The following PABPC1 variants were observed in gnomAD, a reference collection of about 807,000 sequenced individuals.
PABPC1 encodes poly(A) binding protein cytoplasmic 1.
A neutral mutation model predicts 74.0 loss-of-function variants in PABPC1; 4 were observed. That is an observed-to-expected ratio of 0.05 (90% CI 0.03 to 0.12). The LOEUF is 0.12. Ranked by LOEUF, PABPC1 falls within the 10% of genes least tolerant of loss-of-function variation. PABPC1 has a pLI of 1.00. For synonymous variants in PABPC1, 227 were observed against 264.1 expected (o/e 0.86, Z 1.36); for missense variants, 271 against 821.1 (o/e 0.33, Z 8.19).
chr8:100,719,691 C>T (rs755560038), intron 1 of PABPC1, among the ~76,000 whole-genome samples: 1 of 152,120 alleles, frequency 6.6e-6, no homozygotes, highest in Non-Finnish European at 1.5e-5. Context: ...CTCTTCGAAT[C>T]CCAAGAAATG....
rs759378027 is a variant in PABPC1, at chr8:100,715,156, CACAT to C, written c.643+302_643+305del. Among the ~76,000 whole-genome samples the C allele has an allele frequency of 6.3e-3, 480 of 76,684 alleles. 5 individuals carry two copies. The highest frequency in any genetic ancestry group is 0.025 in the Admixed American group (223 of 9,042). The allele number at this position is 76,684 out of a possible 152,430, so 50.3% of individuals were successfully genotyped here. A position where few individuals can be genotyped will look rare whatever the true frequency, so the allele number is the denominator to read the frequency against. On this transcript the variant is annotated intron_variant, in intron 4 of 14. Coordinates refer to ENST00000318607, the MANE Select transcript of PABPC1 (RefSeq NM_002568.4). ...ACACACACACACACACACACACACA[CACAT>C]ATATATCTCCAGCCTCTTAATGTAG... is the stretch of plus-strand genomic sequence containing the variant.
chr8:100,713,209 G>C, intron 4 of PABPC1, 28 bp from the exon 5 acceptor site: 3 of 1,322,574 alleles, frequency 2.3e-6, no homozygotes, highest in Non-Finnish European at 2.1e-6. Flanking sequence ...ATAAATCAAA[G>C]ATATTCCATA....
intron 7 of PABPC1, among the ~76,000 whole-genome samples, chr8:100,710,654 C>CTTTA (rs1288548216): frequency 6.6e-6 from 1 of 152,182 alleles, no homozygotes; most frequent in Non-Finnish European, 1.5e-5. Context: ...AAAGTGAGGT[C>CTTTA]TATAAAGTGG....
chr8:100,712,642 A>C lies in PABPC1; in HGVS notation c.876+10T>G, dbSNP rs1365361088. 6.3e-7 allele frequency: 1 copy of C among 1,575,596 alleles called. No homozygotes were observed. Among genetic ancestry groups the C allele is most frequent in the South Asian group, 1.2e-5 (1 of 85,446 alleles). On this transcript the variant is annotated intron_variant, in intron 6 of 14. Coordinates refer to ENST00000318607, the MANE Select transcript of PABPC1 (RefSeq NM_002568.4). ...CCTGTCTTATTTTGGTTGTTCAATT[A>C]AAAATGAACCTGGTATCTGGTGATC...
At chr8:100,716,731 G>A (rs1425110789) in intron 3 of PABPC1, among the ~76,000 whole-genome samples, 2 of 152,182 alleles carry the variant, frequency 1.3e-5, no homozygotes, top group Admixed American at 6.5e-5. Flanking sequence ...TGCCCTGGCT[G>A]GAGTGTAATA....
intron 3 of PABPC1, 59 bp downstream of exon 3, chr8:100,717,714 G>T: frequency 9.8e-7 from 1 of 1,019,122 alleles, no homozygotes; most frequent in Non-Finnish European, 1.5e-6. Context: ...AAAATGAATG[G>T]ATTTGGAATT....
In PABPC1 at chr8:100,705,677, GACAGAAAATGAGAACTCTTAAGTTTAA is replaced by G. The variant is rs1554594905; in HGVS notation, c.1603-31_1603-5del. 8 of 1,500,488 alleles carry G rather than the reference GACAGAAAATGAGAACTCTTAAGTTTAA, an allele frequency of 5.3e-6. No individual in the cohort carries two copies. Among genetic ancestry groups the G allele is most frequent in the Non-Finnish European group, 6.5e-6 (7 of 1,079,304 alleles). The allele number at this position is 1,500,488 out of a possible 1,614,324, so 92.9% of individuals were successfully genotyped here. On this transcript the variant is annotated splice_polypyrimidine_tract_variant and splice_region_variant and intron_variant, in intron 11 of 14. Coordinates refer to ENST00000318607, the MANE Select transcript of PABPC1 (RefSeq NM_002568.4). ...GACCTTGTACATGAACAGCAGGCTAGACAGAAAATGAGAACTCTTAAGTTTAAAGCACAGAAAAAGATGGCAAATACA... is the reference window on the plus strand; with the variant it reads ...GACCTTGTACATGAACAGCAGGCTAGAGCACAGAAAAAGATGGCAAATACA...
In PABPC1 at chr8:100,713,178, G is replaced by A; in HGVS notation, c.647C>T (p.Pro216Leu). The change falls in exon 5 of 15, where the codon CCT (proline) becomes CTT (leucine). Residue 216 changes from proline to leucine, a missense_variant. Around this residue, in one of 7 missense-constraint regions of PABPC1, gnomAD observed 78 missense variants for 202.8 expected, o/e 0.38. Transcript: ENST00000318607. ...AGTCATTACTTTCACACTTAAGGCA[G>A]GCCCTAAAAAATTTTTTTACATAAA... The part of the protein sequence containing the change: ...RLKDLFGKFG[P>L]ALSVKVMTDE... 3.8e-6 allele frequency: 6 copies of A among 1,585,882 alleles called. No homozygotes were observed. The highest frequency in any genetic ancestry group is 4.3e-6 in the Non-Finnish European group (5 of 1,168,454).
intron 7 of PABPC1, among the ~76,000 whole-genome samples, chr8:100,712,145 T>C (rs1810543348): frequency 6.6e-6 from 1 of 152,248 alleles, no homozygotes; most frequent in Non-Finnish European, 1.5e-5. Flanking sequence ...GTGCATATCA[T>C]GTGAGGATAT....
Position 100,718,131 on chromosome 8 carries a change from G to C in PABPC1, c.343C>G (p.Leu115Val). 6.2e-7 allele frequency: 1 copy of C among 1,614,190 alleles called. No homozygotes were observed. Among genetic ancestry groups the C allele is most frequent in the Non-Finnish European group, 8.5e-7 (1 of 1,180,018 alleles). ...CCAAAAGCAGAAAATGTATCATACAGTGCTTTATTATCAATGGATTTGTCC... is the reference window on the plus strand; with the variant it reads ...CCAAAAGCAGAAAATGTATCATACACTGCTTTATTATCAATGGATTTGTCC... ...NLDKSIDNKA[L>V]YDTFSAFGNI... is the part of the protein sequence containing the mutation. Residue 115 changes from leucine (L) to valine (V), a missense_variant, in exon 2 of 15, where the codon CTG (leucine) becomes GTG (valine). Leu to Val is a conservative substitution (Grantham distance 32). Coordinates refer to ENST00000318607, the MANE Select transcript of PABPC1 (RefSeq NM_002568.4).
chr8:100,719,314 T>G (rs1810751845), intron 1 of PABPC1, among the ~76,000 whole-genome samples: 1 of 152,098 alleles, frequency 6.6e-6, no homozygotes, highest in Non-Finnish European at 1.5e-5. Context: ...TAAATGAAAG[T>G]TCCAGTTTCT....
At chr8:100,718,664 C>T (rs1471629335) in intron 1 of PABPC1, among the ~76,000 whole-genome samples, 1 of 152,192 alleles carries the variant, frequency 6.6e-6, no homozygotes, top group Non-Finnish European at 1.5e-5. Flanking sequence ...CATTACGCAA[C>T]AGATTTATCT....
In PABPC1 at chr8:100,704,328, A is replaced by T. The variant is rs141054393; in HGVS notation, c.1881T>A (p.Val627=). ...CAGTTGGAACACCGGTGGCACTGTT[A>T]ACTGCTTTCTGGGCAGCCTCTTTAG... ...HQAKEAAQKA[V]NSATGVPTV The change falls in exon 14 of 15, where the codon GTT becomes GTA. Residue 627 remains valine, a synonymous_variant. Coordinates refer to ENST00000318607, the MANE Select transcript of PABPC1 (RefSeq NM_002568.4). The T allele has an allele frequency of 1.6e-5, 26 of 1,614,016 alleles. No homozygotes were observed. The highest frequency in any genetic ancestry group is 2.0e-5 in the Non-Finnish European group (24 of 1,179,986).
At chr8:100,705,715 A>C (rs757355472) in intron 11 of PABPC1, 42 bp from the exon 12 acceptor site, 2 of 1,296,502 alleles carry the variant, frequency 1.5e-6, no homozygotes, top group Non-Finnish European at 2.2e-6. Context: ...AGCACAGAAA[A>C]AGATGGCAAA....
At chr8:100,710,724 C>T (rs865992857) in intron 7 of PABPC1, among the ~76,000 whole-genome samples, 2 of 152,166 alleles carry the variant, frequency 1.3e-5, no homozygotes, top group African/African-American at 4.8e-5. Context: ...CGGTGGCTCA[C>T]GCCTGTAATC....
In PABPC1 at chr8:100,716,760, C is replaced by T. The variant is rs75711882; in HGVS notation, c.503+1013G>A. Among the ~76,000 whole-genome samples the T allele has an allele frequency of 4.5e-3, 693 of 152,326 alleles. 2 individuals are homozygous for T. The highest frequency in any genetic ancestry group is 0.012 in the African/African-American group (517 of 41,564). On this transcript the variant is annotated intron_variant, in intron 3 of 14. Coordinates refer to ENST00000318607, the MANE Select transcript of PABPC1 (RefSeq NM_002568.4). ...TGTAATAGCTGTTCACAGGCACAAT[C>T]ACAACACACTACAGCCTTGGCTCAA...
intron 8 of PABPC1, 91 bp downstream of exon 8, chr8:100,709,368 G>A (rs2129696622): frequency 6.6e-7 from 1 of 1,515,406 alleles, no homozygotes. Context: ...CTTTCTTAAT[G>A]TTTCACATTT....
chr8:100,718,847 C>T (rs1810740072), intron 1 of PABPC1, among the ~76,000 whole-genome samples: 1 of 152,122 alleles, frequency 6.6e-6, no homozygotes, highest in South Asian at 2.1e-4. Flanking sequence ...TGATTCATGG[C>T]ACAACTTCCA....
intron 3 of PABPC1, among the ~76,000 whole-genome samples, chr8:100,716,611 T>C (rs534420580): frequency 3.3e-5 from 5 of 152,384 alleles, no homozygotes; most frequent in Admixed American, 3.3e-4. Flanking sequence ...GTCTTCGCTA[T>C]GCTATTAGTT....
Sources: allele counts gnomAD v4.1 joint callset (sites outside exome capture counted in the v4.1 genomes callset), GRCh38; gene constraint gnomAD v4.1.1; regional missense constraint gnomAD v4.1.1; transcripts MANE v1.5; gene names NCBI Gene and HGNC (gene_info 2026-07-23, HGNC 2026-07-21).